BIN3: variants seen among roughly 807,000 people sequenced by gnomAD.
BIN3 encodes bridging integrator 3.
A neutral mutation model predicts 38.2 loss-of-function variants in BIN3; 41 were observed. The ratio of observed to expected loss-of-function variants is 1.07; its 90% CI spans 0.84 to 1.39. The LOEUF (loss-of-function observed/expected upper bound fraction) is 1.39, where lower values mean the gene tolerates loss of function less well. Ranked by LOEUF, BIN3 falls within the 40% of genes most tolerant of loss-of-function variation. The probability of loss-of-function intolerance (pLI) is 0.00; values close to 1 mark genes in which losing one functional copy is unlikely to be tolerated. For missense variants in BIN3, 361 were observed against 324.3 expected, an observed-to-expected ratio of 1.11 and a Z score of -0.87; for synonymous variants, 145 against 122.6, an observed-to-expected ratio of 1.18 and a Z score of -1.21.
At position 22,621,472 on chromosome 8, in the gene BIN3, C is replaced by G; in HGVS notation, c.712G>C (p.Glu238Gln). 6.2e-6 allele frequency: 10 copies of G among 1,613,852 alleles called. No homozygotes were observed. The highest frequency in any genetic ancestry group is 7.6e-6 in the Non-Finnish European group (9 of 1,179,878). The change falls in exon 9 of 9, where the codon GAG (glutamate) becomes CAG (glutamine). Residue 238 changes from glutamate to glutamine, a missense_variant. Transcript: ENST00000276416. ...HSDEQREREN[E>Q]AKLSELRALS... Reference sequence around the variant, plus strand: ...GCCCGGAGCTCACTGAGTTTGGCCTCGTTCTCCCGCTCCCGCTGCTCATCG... The same window carrying G: ...GCCCGGAGCTCACTGAGTTTGGCCTGGTTCTCCCGCTCCCGCTGCTCATCG...
intron 1 of BIN3, among the ~76,000 whole-genome samples, chr8:22,645,533 G>A (rs889876880): frequency 4.0e-5 from 6 of 150,952 alleles, no homozygotes; most frequent in African/African-American, 1.5e-4. Context: ...AGGGGAGGGG[G>A]AGGAAAGGAA....
chr8:22,638,321 G>T (rs979692334), intron 2 of BIN3, among the ~76,000 whole-genome samples: 1 of 152,230 alleles, frequency 6.6e-6, no homozygotes, highest in Non-Finnish European at 1.5e-5. Context: ...CAAATGAGGA[G>T]CCCGAAGCCC....
intron 6 of BIN3, chr8:22,625,009 G>T (rs765308653): frequency 5.7e-4 from 202 of 357,184 alleles, no homozygotes; most frequent in Non-Finnish European, 1.7e-4. Context: ...GGGCTCCTTG[G>T]CAACATGAAA....
Position 22,629,995 on chromosome 8 carries a change from T to A in BIN3, c.307A>T (p.Ile103Phe). 1 of 1,609,790 alleles carries A rather than the reference T, an allele frequency of 6.2e-7. No individual in the cohort carries two copies. Residue 103 changes from isoleucine to phenylalanine, a missense_variant, in exon 6 of 9, where the codon ATC becomes TTC. Transcript: ENST00000276416. ...DAFNQEKVNQ[I>F]QKTVIEPLKK... ...AAGGGCTCGATCACAGTCTTCTGGA[T>A]CTGGTTCACCTGTCAAAGAAAAACC...
chr8:22,637,029 C>G, intron 2 of BIN3, 67 bp from the exon 3 acceptor site: 2 of 1,438,368 alleles, frequency 1.4e-6, no homozygotes, highest in South Asian at 1.2e-5. Flanking sequence ...CTCCCAGCCT[C>G]CTGAAACTCT....
At chr8:22,659,836 C>T (rs1313944333) in intron 1 of BIN3, among the ~76,000 whole-genome samples, 10 of 152,072 alleles carry the variant, frequency 6.6e-5, no homozygotes, top group South Asian at 2.1e-4. Flanking sequence ...GAAGGTTAAA[C>T]GAGTTTAATG....
chr8:22,627,372 C>G (rs905009300), intron 6 of BIN3, among the ~76,000 whole-genome samples: 2 of 152,208 alleles, frequency 1.3e-5, no homozygotes, highest in Admixed American at 6.5e-5. Flanking sequence ...GAGGCCCCAT[C>G]TCCCCGTTTT....
chr8:22,653,465 T>C (rs57721542), intron 1 of BIN3, among the ~76,000 whole-genome samples: 2 of 152,236 alleles, frequency 1.3e-5, no homozygotes, highest in East Asian at 1.9e-4. Flanking sequence ...ATTTTCTCTC[T>C]AGTTTTTAAG....
Position 22,668,469 on chromosome 8 carries a change from T to C in BIN3, c.8+575A>G, listed in dbSNP as rs2280103. The stretch of plus-strand genomic sequence containing the variant: ...GAGGGCAGGCAGTGAGTAATAGCTC[T>C]GGAATGATTAAAACCAGTCCAATCC... On this transcript the variant is annotated intron_variant, in intron 1 of 8. Coordinates refer to ENST00000276416, the MANE Select transcript of BIN3 (RefSeq NM_018688.6). 2.3e-3 allele frequency among the ~76,000 whole-genome samples: 354 copies of C among 152,330 alleles called. 7 individuals are homozygous for C. In the East Asian group the frequency reaches 0.063, roughly 27 times the overall value.
chr8:22,633,601 T>C (rs1802278169), intron 4 of BIN3, among the ~76,000 whole-genome samples: 1 of 152,228 alleles, frequency 6.6e-6, no homozygotes, highest in African/African-American at 2.4e-5. Context: ...ACTGGGGATT[T>C]TCCACCTTGC....
chr8:22,656,473 G>A (rs1258288961), intron 1 of BIN3, among the ~76,000 whole-genome samples: 1 of 152,068 alleles, frequency 6.6e-6, no homozygotes, highest in Non-Finnish European at 1.5e-5. Context: ...TGGAAAAGAA[G>A]AAAAATAACT....
At position 22,621,373 on chromosome 8, in the gene BIN3, A is replaced by G. The variant is rs989751475; in HGVS notation, c.*49T>C. 23 of 1,580,316 alleles carry G rather than the reference A, an allele frequency of 1.5e-5. No individual in the cohort carries two copies. The highest frequency in any genetic ancestry group is 2.3e-5 in the East Asian group (1 of 43,496). ...GCAGCTAGCCCTGAGAAGGGCAAGG[A>G]TGAATGAGGCTGACCACGTCACAGG... On this transcript the variant is annotated 3_prime_UTR_variant, in exon 9 of 9. Coordinates refer to ENST00000276416, the MANE Select transcript of BIN3 (RefSeq NM_018688.6).
At chr8:22,642,454 A>G (rs948859919) in intron 2 of BIN3, among the ~76,000 whole-genome samples, 3 of 152,224 alleles carry the variant, frequency 2.0e-5, no homozygotes, top group African/African-American at 4.8e-5. Flanking sequence ...TCCGAGCTGT[A>G]GCTCAGCTGT....
rs1410273676 is a variant in BIN3 at position 22,620,502 on chromosome 8, C to T, written c.*920G>A. On this transcript the variant is annotated 3_prime_UTR_variant, in exon 9 of 9. Transcript: ENST00000276416. ...AGTGTGTCCTCCACAGCTCTTCCTA[C>T]TCTCCTAGGCTTGCCCGCGTGCCCT... 6.8e-6 allele frequency: 1 copy of T among 147,272 alleles called. No individual in the cohort carries two copies. Among genetic ancestry groups the T allele is most frequent in the Non-Finnish European group, 1.5e-5 (1 of 67,034 alleles). 9.1% of individuals were successfully genotyped at this position (147,272 alleles called of 1,614,324 possible). A position where few individuals can be genotyped will look rare whatever the true frequency, so the allele number is the denominator to read the frequency against.
chr8:22,667,038 T>C (rs1803443970), intron 1 of BIN3, among the ~76,000 whole-genome samples: 1 of 152,146 alleles, frequency 6.6e-6, no homozygotes. Flanking sequence ...CAGGCGCCGG[T>C]GCTGTTCCCG....
At position 22,623,922 on chromosome 8, in the gene BIN3, C is replaced by A; in HGVS notation, c.608G>T (p.Arg203Leu). Residue 203 changes from arginine (R) to leucine (L), a missense_variant, in exon 8 of 9, where the codon CGA becomes CTA. By Grantham distance (102) the Arg-to-Leu change is moderately radical (BLOSUM62 -2). Coordinates refer to ENST00000276416, the MANE Select transcript of BIN3 (RefSeq NM_018688.6). ...YFQPSFESLIRAQVVYYSEMH... is the reference protein window; with the variant it reads ...YFQPSFESLILAQVVYYSEMH... Reference sequence around the variant, plus strand: ...AGCACCTGGCGGCCTCACCTGAGCTCGGATGAGGGACTCAAAGCTGGGCTG... The same window carrying A: ...AGCACCTGGCGGCCTCACCTGAGCTAGGATGAGGGACTCAAAGCTGGGCTG... 6.2e-7 allele frequency: 1 copy of A among 1,611,562 alleles called. No homozygotes were observed. The highest frequency in any genetic ancestry group is 8.5e-7 in the Non-Finnish European group (1 of 1,179,240).
At chr8:22,624,104 G>A in intron 7 of BIN3, 55 bp from the exon 8 acceptor site, 1 of 1,596,452 alleles carries the variant, frequency 6.3e-7, no homozygotes, top group Non-Finnish European at 8.6e-7. Flanking sequence ...GCCGGATACG[G>A]GATGGGTGGG....
intron 3 of BIN3, 23 bp downstream of exon 3, chr8:22,636,899 A>G (rs755765787): frequency 7.5e-6 from 12 of 1,609,862 alleles, no homozygotes; most frequent in Non-Finnish European, 1.0e-5. Flanking sequence ...CTCCCACCTC[A>G]TCTTTCTGGG....
intron 1 of BIN3, among the ~76,000 whole-genome samples, chr8:22,660,582 C>G (rs1171067262): frequency 6.6e-6 from 1 of 152,188 alleles, no homozygotes; most frequent in Non-Finnish European, 1.5e-5. Context: ...ACTTCTAGGC[C>G]CCCTCCCTAC....
Sources: gnomAD v4.1 joint callset for allele counts (sites outside exome capture counted in the v4.1 genomes callset) on GRCh38, gnomAD v4.1.1 for gene constraint, MANE v1.5 for transcripts, NCBI Gene and HGNC (gene_info 2026-07-23, HGNC 2026-07-21) for gene names.